Variants in STXBP5L observed in about 807,000 individuals in gnomAD.
STXBP5L encodes syntaxin binding protein 5L, also known as syntaxin-binding protein 5-like.
In STXBP5L, 65 loss-of-function variants were observed where a neutral mutation model predicts 144.5. That is an observed-to-expected ratio of 0.45 (90% CI 0.37 to 0.55). The LOEUF is 0.55. Among genes scored for constraint, STXBP5L ranks in the 20% least tolerant of loss-of-function variants. STXBP5L has a pLI of 0.00. For missense variants in STXBP5L, 1,298 were observed against 1,405.5 expected (o/e 0.92, Z 1.22); for synonymous variants, 505 against 469.6 (o/e 1.08, Z -0.97).
intron 20 of STXBP5L, among the ~76,000 whole-genome samples, chr3:121,372,390 G>C (rs1453333107): frequency 6.6e-6 from 1 of 152,132 alleles, no homozygotes. Context: ...CTCCATTACA[G>C]GTGCTCCCAC....
At chr3:121,377,334 A>G (rs918820048) in intron 20 of STXBP5L, among the ~76,000 whole-genome samples, 1 of 152,224 alleles carries the variant, frequency 6.6e-6, no homozygotes, top group East Asian at 1.9e-4. Flanking sequence ...ACATTGACAA[A>G]TGTGATCTAA....
chr3:121,054,620 A>T (rs1328189233), intron 5 of STXBP5L, among the ~76,000 whole-genome samples: 5 of 150,100 alleles, frequency 3.3e-5, no homozygotes, highest in Non-Finnish European at 5.9e-5. Context: ...GGATAGCATT[A>T]GGAGATATAC....
At chr3:121,347,410 G>T (rs1035843165) in intron 20 of STXBP5L, among the ~76,000 whole-genome samples, 9 of 152,054 alleles carry the variant, frequency 5.9e-5, no homozygotes, top group Non-Finnish European at 1.0e-4. Context: ...TTGTTCTCTT[G>T]GCTTAGGATT....
At chr3:121,235,421 G>A (rs2049445027) in intron 12 of STXBP5L, among the ~76,000 whole-genome samples, 1 of 151,920 alleles carries the variant, frequency 6.6e-6, no homozygotes, top group African/African-American at 2.4e-5. Context: ...AATTCCTCTA[G>A]TAAGTTTTTA....
intron 22 of STXBP5L, among the ~76,000 whole-genome samples, chr3:121,387,763 A>C (rs892250201): frequency 1.3e-5 from 2 of 152,080 alleles, no homozygotes; most frequent in Non-Finnish European, 2.9e-5. Flanking sequence ...ATTGGTCTAT[A>C]TCTCTGTTTT....
intron 10 of STXBP5L, among the ~76,000 whole-genome samples, chr3:121,214,576 T>C (rs183583486): frequency 3.3e-5 from 5 of 152,308 alleles, no homozygotes; most frequent in Admixed American, 3.3e-4. Flanking sequence ...TGAAAGACTG[T>C]TATGATTTTT....
At chr3:120,944,792 T>A (rs1432287775) in intron 2 of STXBP5L, among the ~76,000 whole-genome samples, 3 of 151,824 alleles carry the variant, frequency 2.0e-5, no homozygotes, top group African/African-American at 7.2e-5. Flanking sequence ...CTCTATGGTG[T>A]CATATGCATT....
At chr3:121,165,885 T>C (rs1388668147) in intron 9 of STXBP5L, among the ~76,000 whole-genome samples, 2 of 152,192 alleles carry the variant, frequency 1.3e-5, no homozygotes, top group Non-Finnish European at 2.9e-5. Context: ...TTGGAATACA[T>C]TGGGTTTTTT....
At chr3:121,255,603 T>C (rs2050179833) in intron 16 of STXBP5L, among the ~76,000 whole-genome samples, 1 of 152,030 alleles carries the variant, frequency 6.6e-6, no homozygotes, top group African/African-American at 2.4e-5. Flanking sequence ...GGCTTTGTTC[T>C]ATACTTTTAT....
chr3:120,958,509 A>G (rs1421334748), intron 3 of STXBP5L, among the ~76,000 whole-genome samples: 1 of 83,330 alleles, frequency 1.2e-5, no homozygotes, highest in Non-Finnish European at 2.8e-5. Context: ...AAAATCCTCA[A>G]TATAATACAA....
intron 2 of STXBP5L, among the ~76,000 whole-genome samples, chr3:120,949,755 T>C (rs918498974): frequency 6.6e-6 from 1 of 152,130 alleles, no homozygotes; most frequent in African/African-American, 2.4e-5. Flanking sequence ...TTCTGGGTTC[T>C]TTATTCTGTT....
intron 3 of STXBP5L, among the ~76,000 whole-genome samples, chr3:121,033,137 G>A (rs528993851): frequency 0.011 from 1,329 of 124,518 alleles, 35 homozygotes; most frequent in African/African-American, 0.04. Context: ...GTTTATTGCG[G>A]CATTATTCAC....
intron 14 of STXBP5L, among the ~76,000 whole-genome samples, chr3:121,247,997 T>C (rs2049910695): frequency 6.6e-6 from 1 of 152,240 alleles, no homozygotes; most frequent in African/African-American, 2.4e-5. Flanking sequence ...TATTTGACTT[T>C]TTAATAATAG....
intron 22 of STXBP5L, among the ~76,000 whole-genome samples, chr3:121,385,023 A>G (rs1396028948): frequency 6.6e-6 from 1 of 151,992 alleles, no homozygotes; most frequent in African/African-American, 2.4e-5. Context: ...CATATATAAT[A>G]TATATGTGTA....
intron 9 of STXBP5L, among the ~76,000 whole-genome samples, chr3:121,180,109 A>T (rs1300092472): frequency 2.6e-5 from 4 of 152,192 alleles, no homozygotes; most frequent in Non-Finnish European, 5.9e-5. Context: ...TCATCACAAA[A>T]AAGATCATCA....
intron 20 of STXBP5L, among the ~76,000 whole-genome samples, chr3:121,343,045 G>A (rs555019230): frequency 6.6e-6 from 1 of 152,212 alleles, no homozygotes; most frequent in African/African-American, 2.4e-5. Context: ...CATTCTAACT[G>A]TTGTGAAATG....
chr3:120,977,848 T>A (rs1358438816), intron 3 of STXBP5L, among the ~76,000 whole-genome samples: 1 of 152,002 alleles, frequency 6.6e-6, no homozygotes, highest in Non-Finnish European at 1.5e-5. Context: ...AAAATTCTTT[T>A]CTTTAAGAAT....
intron 20 of STXBP5L, among the ~76,000 whole-genome samples, chr3:121,332,218 C>A (rs992186477): frequency 1.3e-5 from 2 of 151,732 alleles, no homozygotes; most frequent in Non-Finnish European, 2.9e-5. Flanking sequence ...CCCAAAAGAT[C>A]ATACTAGGTC....
At chr3:121,021,526 A>T (rs1945553428) in intron 3 of STXBP5L, among the ~76,000 whole-genome samples, 1 of 152,176 alleles carries the variant, frequency 6.6e-6, no homozygotes, top group Non-Finnish European at 1.5e-5. Flanking sequence ...CCACAAAACA[A>T]GTCTCAACAA....
Sources: allele counts gnomAD v4.1 joint callset (sites outside exome capture counted in the v4.1 genomes callset), GRCh38; gene constraint gnomAD v4.1.1; transcripts MANE v1.5; gene names NCBI Gene and HGNC (gene_info 2026-07-23, HGNC 2026-07-21).